ZNF385B: variants seen among roughly 807,000 people sequenced by gnomAD.
ZNF385B encodes zinc finger protein 533.
In ZNF385B, 23 loss-of-function variants were observed where a neutral mutation model predicts 39.2. The ratio of observed to expected loss-of-function variants is 0.59; its 90% CI spans 0.42 to 0.83. The LOEUF is 0.83. Among genes scored for constraint, ZNF385B ranks in the 40% least tolerant of loss-of-function variants. The pLI, the probability that ZNF385B is intolerant of heterozygous loss-of-function variation, is 0.00. For missense variants in ZNF385B, 552 were observed against 598.9 expected, an observed-to-expected ratio of 0.92 and a Z score of 0.82; for synonymous variants, 205 against 222.6, an observed-to-expected ratio of 0.92 and a Z score of 0.70.
chr2:179,778,021 T>A (rs1704443788), intron 1 of ZNF385B, among the ~76,000 whole-genome samples: 1 of 152,126 alleles, frequency 6.6e-6, no homozygotes, highest in African/African-American at 2.4e-5. Flanking sequence ...TCTGCCCACC[T>A]CAGCCTCCCT....
intron 4 of ZNF385B, among the ~76,000 whole-genome samples, chr2:179,523,925 G>A: frequency 6.6e-6 from 1 of 152,124 alleles, no homozygotes. Flanking sequence ...TAGGACTACA[G>A]GCATGTGCCA....
intron 3 of ZNF385B, among the ~76,000 whole-genome samples, chr2:179,574,448 G>A (rs1685576599): frequency 1.3e-5 from 2 of 152,196 alleles, no homozygotes; most frequent in Non-Finnish European, 2.9e-5. Context: ...TTGGCTCTGA[G>A]CAAGATATTT....
chr2:179,812,366 G>A (rs996608482), intron 1 of ZNF385B, among the ~76,000 whole-genome samples: 3 of 152,164 alleles, frequency 2.0e-5, no homozygotes, highest in African/African-American at 7.2e-5. Context: ...CACTGTTCAC[G>A]ATAGCAAAGA....
intron 5 of ZNF385B, among the ~76,000 whole-genome samples, chr2:179,514,903 C>T (rs1274652890): frequency 6.6e-6 from 1 of 151,770 alleles, no homozygotes; most frequent in East Asian, 1.9e-4. Flanking sequence ...CTCAGCCTCC[C>T]AAGTAGCTGG....
At chr2:179,582,209 A>T (rs1328048523) in intron 3 of ZNF385B, among the ~76,000 whole-genome samples, 1 of 152,230 alleles carries the variant, frequency 6.6e-6, no homozygotes, top group Non-Finnish European at 1.5e-5. Flanking sequence ...ATAGAAAATT[A>T]GAACTGTGCA....
intron 3 of ZNF385B, among the ~76,000 whole-genome samples, chr2:179,685,538 T>C (rs12373813): frequency 0.16 from 24,164 of 152,076 alleles, 1,974 homozygotes; most frequent in South Asian, 0.19. Context: ...TATATAATCA[T>C]TAGGAAGGAG....
At chr2:179,510,081 GA>G (rs1399830835) in intron 5 of ZNF385B, among the ~76,000 whole-genome samples, 1 of 152,118 alleles carries the variant, frequency 6.6e-6, no homozygotes, top group Non-Finnish European at 1.5e-5. Context: ...CACTTTATAT[GA>G]AATTGTGTAT....
At chr2:179,647,856 A>G (rs1344166344) in intron 3 of ZNF385B, among the ~76,000 whole-genome samples, 1 of 152,132 alleles carries the variant, frequency 6.6e-6, no homozygotes, top group African/African-American at 2.4e-5. Flanking sequence ...GCAGACAATG[A>G]TCTTATAGGA....
intron 3 of ZNF385B, among the ~76,000 whole-genome samples, chr2:179,586,500 A>G: frequency 6.6e-6 from 1 of 152,162 alleles, no homozygotes. Flanking sequence ...TGACTCGCCT[A>G]AGGTCACTCA....
intron 4 of ZNF385B, among the ~76,000 whole-genome samples, chr2:179,542,969 T>TA (rs780385021): frequency 5.9e-5 from 9 of 151,942 alleles, no homozygotes; most frequent in South Asian, 2.1e-4. Context: ...TTATTTATGT[T>TA]AAAAAAATAA....
intron 1 of ZNF385B, among the ~76,000 whole-genome samples, chr2:179,794,659 G>C (rs1400124095): frequency 6.6e-6 from 1 of 152,132 alleles, no homozygotes; most frequent in African/African-American, 2.4e-5. Flanking sequence ...ATAAGATACG[G>C]TCTTGAGAAA....
intron 4 of ZNF385B, among the ~76,000 whole-genome samples, chr2:179,522,137 G>C (rs150389084): frequency 1.5e-3 from 225 of 152,252 alleles, no homozygotes; most frequent in African/African-American, 5.1e-3. Context: ...CTAATGTTTT[G>C]AGTATTTGCC....
chr2:179,634,973 CAAA>C (rs66671134), intron 3 of ZNF385B, among the ~76,000 whole-genome samples: 34,679 of 115,498 alleles, frequency 0.3, 5,218 homozygotes, highest in Admixed American at 0.41. Context: ...ACTAAAAATA[CAAA>C]AAAAAAAAAA....
chr2:179,766,065 C>CACAG (rs1390356107), intron 3 of ZNF385B, among the ~76,000 whole-genome samples: 64 of 150,944 alleles, frequency 4.2e-4, no homozygotes, highest in African/African-American at 1.4e-3. Flanking sequence ...CACACACACA[C>CACAG]AGCAGACTGG....
intron 3 of ZNF385B, among the ~76,000 whole-genome samples, chr2:179,571,173 C>T (rs1260362012): frequency 6.6e-6 from 1 of 152,156 alleles, no homozygotes; most frequent in African/African-American, 2.4e-5. Flanking sequence ...TCCAGAAAGT[C>T]CTTGCTCTTA....
At chr2:179,834,031 C>T (rs1432856485) in intron 1 of ZNF385B, among the ~76,000 whole-genome samples, 1 of 151,846 alleles carries the variant, frequency 6.6e-6, no homozygotes, top group African/African-American at 2.4e-5. Context: ...TTATTGGAAT[C>T]ATGGTTTTCT....
At chr2:179,856,714 A>C (rs2105454028) in intron 1 of ZNF385B, among the ~76,000 whole-genome samples, 1 of 152,106 alleles carries the variant, frequency 6.6e-6, no homozygotes, top group South Asian at 2.1e-4. Context: ...GAGAAGGAAT[A>C]TTTAACAAAG....
intron 3 of ZNF385B, among the ~76,000 whole-genome samples, chr2:179,582,114 G>A (rs1686599505): frequency 1.3e-5 from 2 of 152,028 alleles, no homozygotes; most frequent in Non-Finnish European, 2.9e-5. Flanking sequence ...TAACCACTTC[G>A]GTAGTAAGTG....
At chr2:179,737,373 T>C (rs1701826602) in intron 3 of ZNF385B, among the ~76,000 whole-genome samples, 1 of 152,166 alleles carries the variant, frequency 6.6e-6, no homozygotes, top group African/African-American at 2.4e-5. Flanking sequence ...ATAAAGTTCC[T>C]CAATTCCCTT....
Sources: allele counts gnomAD v4.1 joint callset (sites outside exome capture counted in the v4.1 genomes callset), GRCh38; gene constraint gnomAD v4.1.1; transcripts MANE v1.5; gene names NCBI Gene and HGNC (gene_info 2026-07-23, HGNC 2026-07-21).